GSE1: variants seen among roughly 807,000 people sequenced by gnomAD.
The protein encoded by GSE1 is genetic suppressor element 1.
GSE1 carries 32 observed loss-of-function variants against 112.6 expected under a neutral mutation model. That is an observed-to-expected ratio of 0.28 (90% CI 0.21 to 0.38). The LOEUF is 0.38. Among genes scored for constraint, GSE1 ranks in the 10% least tolerant of loss-of-function variants. The probability of loss-of-function intolerance (pLI) is 1.00; values close to 1 mark genes in which losing one functional copy is unlikely to be tolerated. For synonymous variants in GSE1, 1,115 were observed against 735.6 expected (o/e 1.52, Z -8.35); for missense variants, 2,348 against 1,699.2 (o/e 1.38, Z -6.71).
intron 2 of GSE1, among the ~76,000 whole-genome samples, chr16:85,365,601 C>T (rs1351272926): frequency 6.6e-6 from 1 of 152,184 alleles, no homozygotes; most frequent in East Asian, 1.9e-4. Flanking sequence ...GATGGAACCA[C>T]AGGGCCGTAA....
intron 1 of GSE1, among the ~76,000 whole-genome samples, chr16:85,346,728 G>A (rs2046749200): frequency 6.6e-6 from 1 of 151,680 alleles, no homozygotes; most frequent in Non-Finnish European, 1.5e-5. Context: ...ATGAGTGGGT[G>A]GATGGTGGAC....
chr16:85,298,990 G>A (rs1460541583), intron 1 of GSE1, among the ~76,000 whole-genome samples: 1 of 152,214 alleles, frequency 6.6e-6, no homozygotes, highest in Non-Finnish European at 1.5e-5. Context: ...CAGCCTGCCT[G>A]TCTGGAATGT....
chr16:85,636,397 C>T (rs1295948138), intron 2 of GSE1, among the ~76,000 whole-genome samples: 1 of 152,192 alleles, frequency 6.6e-6, no homozygotes, highest in African/African-American at 2.4e-5. Flanking sequence ...CCTCGTCGCC[C>T]CCACCCGTTT....
At chr16:85,226,271 C>T (rs1460644143) in intron 1 of GSE1, among the ~76,000 whole-genome samples, 1 of 152,148 alleles carries the variant, frequency 6.6e-6, no homozygotes, top group African/African-American at 2.4e-5. Context: ...TTCCCAGGAC[C>T]TCTTTTTAGG....
At chr16:85,613,079 T>G (rs2048098906), upstream of GSE1, 10 of 568,278 alleles carry the variant, frequency 1.8e-5, no homozygotes, top group East Asian at 4.7e-5. Flanking sequence ...CCTGGGCGGG[T>G]GGATCCGGGC....
At chr16:85,526,651 T>C (rs2052373913) in intron 2 of GSE1, among the ~76,000 whole-genome samples, 1 of 152,182 alleles carries the variant, frequency 6.6e-6, no homozygotes. Context: ...ACCTGCCCAC[T>C]ATCAGGGATC....
intron 1 of GSE1, among the ~76,000 whole-genome samples, chr16:85,561,949 A>G (rs948721846): frequency 6.6e-6 from 1 of 152,000 alleles, no homozygotes; most frequent in African/African-American, 2.4e-5. Context: ...CTGGAACCCA[A>G]CTCCCAGGGT....
At chr16:85,322,694 C>T (rs2046136282) in intron 1 of GSE1, among the ~76,000 whole-genome samples, 1 of 151,614 alleles carries the variant, frequency 6.6e-6, no homozygotes, top group South Asian at 2.1e-4. Flanking sequence ...TGGCTCACTG[C>T]CACCTCTACC....
intron 2 of GSE1, among the ~76,000 whole-genome samples, chr16:85,430,010 G>C (rs2049082343): frequency 6.6e-6 from 1 of 152,250 alleles, no homozygotes; most frequent in Admixed American, 6.5e-5. Flanking sequence ...GTAAGCACAG[G>C]TCAGGGAATT....
In GSE1 at chr16:85,273,917, G is replaced by A. The variant is rs573885038; in HGVS notation, c.2284-83546G>A. Among the ~76,000 whole-genome samples the A allele has an allele frequency of 1.0e-4, 15 of 148,996 alleles. No homozygotes were observed. The East Asian group carries it at 2.8e-3, about 28-fold the overall frequency. On this transcript the variant is annotated intron_variant, in intron 1 of 2. Transcript: ENST00000637419. ...TCACCATGTTGGCCAGGCTGGTCTC[G>A]AACTCCTGACCTCAGGTGATCCACC...
intron 1 of GSE1, among the ~76,000 whole-genome samples, chr16:85,182,505 T>C (rs901474056): frequency 2.0e-5 from 3 of 152,166 alleles, no homozygotes; most frequent in Non-Finnish European, 2.9e-5. Context: ...TTCCGGAAAC[T>C]GCGTTTTCTT....
At chr16:85,314,399 A>G (rs1478011351) in intron 1 of GSE1, among the ~76,000 whole-genome samples, 2 of 152,134 alleles carry the variant, frequency 1.3e-5, no homozygotes, top group South Asian at 2.1e-4. Flanking sequence ...GCAGGATGCC[A>G]TGTCCCAGCC....
intron 1 of GSE1, among the ~76,000 whole-genome samples, chr16:85,586,632 G>A (rs1210455449): frequency 2.6e-5 from 4 of 152,184 alleles, no homozygotes; most frequent in Non-Finnish European, 5.9e-5. Context: ...GCCCGACGCC[G>A]GCCCCCGCGC....
intron 1 of GSE1, among the ~76,000 whole-genome samples, chr16:85,211,898 C>A (rs990907043): frequency 3.9e-5 from 6 of 152,208 alleles, no homozygotes; most frequent in Non-Finnish European, 8.8e-5. Context: ...CAGCTTTGAG[C>A]GCCTGGATTT....
In GSE1 at chr16:85,655,076, G is replaced by A. The variant is rs1430745889; in HGVS notation, c.797+85G>A. On this transcript the variant is annotated intron_variant, in intron 5 of 15. Coordinates refer to ENST00000253458, the MANE Select transcript of GSE1 (RefSeq NM_014615.5). ...ACCTGGCGGGGAAGGTGTTTCTTATGACCTGAGAGCCAGGCTCCTAGGGGA... is the reference window on the plus strand; with the variant it reads ...ACCTGGCGGGGAAGGTGTTTCTTATAACCTGAGAGCCAGGCTCCTAGGGGA... The A allele has an allele frequency of 3.4e-6, 3 of 890,898 alleles. No homozygotes were observed. The African/African-American group carries it at 4.9e-5, about 15-fold the overall frequency. 55.2% of individuals were successfully genotyped at this position (890,898 alleles called of 1,614,324 possible).
chr16:85,623,023 A>G (rs887109859), intron 1 of GSE1, among the ~76,000 whole-genome samples: 1 of 152,130 alleles, frequency 6.6e-6, no homozygotes. Flanking sequence ...GGACAAACTA[A>G]GGGAGAAGTG....
chr16:85,203,423 AG>A (rs2075063724), intron 1 of GSE1, among the ~76,000 whole-genome samples: 1 of 152,190 alleles, frequency 6.6e-6, no homozygotes, highest in South Asian at 2.1e-4. Flanking sequence ...CCAAGGCCTG[AG>A]GACAGCACGT....
At chr16:85,312,206 G>GC (rs1555559859) in intron 1 of GSE1, among the ~76,000 whole-genome samples, 1 of 141,458 alleles carries the variant, frequency 7.1e-6, no homozygotes, top group Non-Finnish European at 1.6e-5. Flanking sequence ...TCCTCTTGCG[G>GC]GGGGGGGGGG....
Position 85,671,096 on chromosome 16 carries a change from G to C in GSE1, c.3517G>C (p.Ala1173Pro). Residue 1173 changes from alanine to proline, a missense_variant and splice_region_variant, in exon 15 of 16, where the codon GCG becomes CCG. Physicochemically the swap from Ala to Pro is conservative, Grantham distance 27. Coordinates refer to ENST00000253458, the MANE Select transcript of GSE1 (RefSeq NM_014615.5). ...LTAEQLSHSVAELRSQKQKMV... is the reference protein window; with the variant it reads ...LTAEQLSHSVPELRSQKQKMV... ...GGCAGAGCAGCTCTCCCACAGCGTG[G>C]CGGTGAGTTGGGAAGGGATGGAAAC... is the stretch of plus-strand genomic sequence containing the variant. 6.3e-7 allele frequency: 1 copy of C among 1,586,092 alleles called. No individual in the cohort carries two copies. The highest frequency in any genetic ancestry group is 8.7e-7 in the Non-Finnish European group (1 of 1,154,796).
Sources: gnomAD v4.1 joint callset for allele counts (sites outside exome capture counted in the v4.1 genomes callset) on GRCh38, gnomAD v4.1.1 for gene constraint, MANE v1.5 for transcripts, NCBI Gene and HGNC (gene_info 2026-07-23, HGNC 2026-07-21) for gene names.